MICAL2: variants seen among roughly 807,000 people sequenced by gnomAD.
The protein encoded by MICAL2 is [F-actin]-monooxygenase MICAL2.
A neutral mutation model predicts 127.3 loss-of-function variants in MICAL2; 77 were observed. The ratio of observed to expected loss-of-function variants is 0.60; its 90% CI spans 0.50 to 0.73. The LOEUF (loss-of-function observed/expected upper bound fraction) is 0.73, where lower values mean the gene tolerates loss of function less well. Among genes scored for constraint, MICAL2 ranks in the 30% least tolerant of loss-of-function variants. MICAL2 has a pLI of 0.00. For synonymous variants in MICAL2, 570 were observed against 551.1 expected (o/e 1.03, Z -0.48); for missense variants, 1,351 against 1,434.4 (o/e 0.94, Z 0.94).
chr11:12,291,260 C>A (rs546574371), downstream of MICAL2, among the ~76,000 whole-genome samples: 1 of 152,010 alleles, frequency 6.6e-6, no homozygotes, highest in Non-Finnish European at 1.5e-5. Flanking sequence ...TCAAATGACC[C>A]AATATGGAGA....
At chr11:12,221,855 G>C (rs1856854207) in intron 10 of MICAL2, 96 bp downstream of exon 10, 1 of 901,606 alleles carries the variant, frequency 1.1e-6, no homozygotes, top group Admixed American at 2.4e-5. Context: ...GATATACCTG[G>C]AGCCTCTGCC....
At position 12,239,504 on chromosome 11, in the gene MICAL2, T is replaced by C; in HGVS notation, c.2133T>C (p.Asn711=). 1 of 1,614,132 alleles carries C rather than the reference T, an allele frequency of 6.2e-7. No individual in the cohort carries two copies. Among genetic ancestry groups the C allele is most frequent in the Non-Finnish European group, 8.5e-7 (1 of 1,180,036 alleles). ...GTGGGAGCAGTAAGGAAGGTGGAAA[T>C]CAGAACAAAGTCAAGTCCATGGCGA... The part of the protein sequence containing the change: ...QECGSSKEGG[N]QNKVKSMANQ... Residue 711 remains asparagine, a synonymous_variant, in exon 17 of 28, where the codon AAT becomes AAC. Transcript: ENST00000683283.
In MICAL2 at chr11:12,221,701, G is replaced by A. The variant is rs1460114276; in HGVS notation, c.1264G>A (p.Ala422Thr). 2 of 1,613,928 alleles carry A rather than the reference G, an allele frequency of 1.2e-6. No homozygotes were observed. The highest frequency in any genetic ancestry group is 2.2e-5 in the East Asian group (1 of 44,846). The change falls in exon 10 of 28, where the codon GCA becomes ACA. Residue 422 changes from alanine to threonine, a missense_variant. Around this residue, in one of 2 missense-constraint regions of MICAL2, gnomAD observed 599 missense variants for 714.9 expected, o/e 0.84. Transcript: ENST00000683283. ...ARGFLAAFDT[A>T]WMVKSWNQGT... ...TGGCTTCCTGGCAGCCTTTGACACG[G>A]CATGGATGGTGAAGAGCTGGAACCA...
At chr11:12,324,657 A>T (rs80161520) in intron 31 of MICAL2, among the ~76,000 whole-genome samples, 1 of 152,228 alleles carries the variant, frequency 6.6e-6, no homozygotes, top group Non-Finnish European at 1.5e-5. Flanking sequence ...CTAGTCTTGA[A>T]CAAGAGTTGG....
chr11:12,284,148 C>A (rs887020486), intron 2 of MICAL2, among the ~76,000 whole-genome samples: 1 of 152,182 alleles, frequency 6.6e-6, no homozygotes, highest in Non-Finnish European at 1.5e-5. Flanking sequence ...GGACTCTTAG[C>A]TATAAACTAA....
downstream of MICAL2, among the ~76,000 whole-genome samples, chr11:12,267,363 C>T (rs1224468625): frequency 6.6e-6 from 1 of 152,204 alleles, no homozygotes; most frequent in African/African-American, 2.4e-5. Flanking sequence ...CTGGAGACTG[C>T]AATTCCCCTT....
chr11:12,220,033 C>T (rs1223101801), intron 8 of MICAL2, among the ~76,000 whole-genome samples, 168 bp from the exon 9 acceptor site: 2 of 152,232 alleles, frequency 1.3e-5, no homozygotes, highest in East Asian at 1.9e-4. Context: ...TTAACCCTCA[C>T]AGCTGGCTGA....
intron 3 of MICAL2, among the ~76,000 whole-genome samples, chr11:12,194,285 C>A (rs1317896389): frequency 6.6e-6 from 1 of 152,214 alleles, no homozygotes; most frequent in Non-Finnish European, 1.5e-5. Context: ...TGAATCCTAG[C>A]TTCACCACTG....
chr11:12,270,185 C>T (rs932603525), intron 24 of MICAL2, among the ~76,000 whole-genome samples: 1 of 152,196 alleles, frequency 6.6e-6, no homozygotes, highest in African/African-American at 2.4e-5. Context: ...CCTCCCTCAT[C>T]CTGCTGGGGA....
downstream of MICAL2, among the ~76,000 whole-genome samples, chr11:12,293,347 G>A (rs746536254): frequency 3.3e-5 from 5 of 152,042 alleles, no homozygotes; most frequent in Admixed American, 2.0e-4. Context: ...GTACTGATTC[G>A]GGGGTTCCAG....
chr11:12,301,488 T>C (rs535419673), intron 29 of MICAL2, among the ~76,000 whole-genome samples: 10 of 152,340 alleles, frequency 6.6e-5, no homozygotes, highest in Non-Finnish European at 1.5e-4. Flanking sequence ...TTGGTGTACA[T>C]ATGTGCTTGT....
intron 3 of MICAL2, among the ~76,000 whole-genome samples, chr11:12,170,709 C>G (rs1856137656): frequency 6.6e-6 from 1 of 152,196 alleles, no homozygotes; most frequent in Non-Finnish European, 1.5e-5. Flanking sequence ...CTGACCATCT[C>G]CTCCCCATTG....
chr11:12,174,287 C>T (rs1054832075), intron 3 of MICAL2, among the ~76,000 whole-genome samples: 2 of 151,826 alleles, frequency 1.3e-5, no homozygotes, highest in Non-Finnish European at 2.9e-5. Context: ...TATCATTCAT[C>T]TCCAGAAGGT....
Position 12,323,821 on chromosome 11 carries a change from C to T in MICAL2, c.5329-157C>T, listed in dbSNP as rs535859026. On this transcript the variant is annotated intron_variant, in intron 30 of 34. Coordinates refer to the MICAL2 transcript ENST00000646065. Reference sequence around the variant, plus strand: ...AGACAGCCACAGCTATAGGTTATTTCTATCATTGCAGAGAGTTCTACCAGA... The same window carrying T: ...AGACAGCCACAGCTATAGGTTATTTTTATCATTGCAGAGAGTTCTACCAGA... Among the ~76,000 whole-genome samples, 4 of 152,320 alleles carry T rather than the reference C, an allele frequency of 2.6e-5. No individual in the cohort carries two copies. In the South Asian group the frequency reaches 8.3e-4, roughly 32 times the overall value.
At chr11:12,318,800 T>G (rs1036475802) in intron 29 of MICAL2, among the ~76,000 whole-genome samples, 1 of 152,192 alleles carries the variant, frequency 6.6e-6, no homozygotes, top group African/African-American at 2.4e-5. Context: ...AAAAGCCTCC[T>G]GTGGCACCTG....
chr11:12,270,336 A>T (rs577486297), intron 24 of MICAL2, among the ~76,000 whole-genome samples: 53 of 152,182 alleles, frequency 3.5e-4, no homozygotes, highest in African/African-American at 1.3e-3. Flanking sequence ...TGCAAACTAC[A>T]TTTTCCAGCT....
At position 12,358,443 on chromosome 11, in the gene MICAL2, CG is replaced by C. The variant is rs1416710213; in HGVS notation, c.5839del (p.Val1947TyrfsTer8). ...CCGAGGACCAGCACTTTGAAAGCTT[CG>C]TATTCTCCAGAGGCTGTCAGCTGAG... On this transcript the variant is annotated frameshift_variant, in exon 35 of 35. Transcript: ENST00000646065. LOFTEE classifies it high-confidence loss of function. 2 of 1,614,004 alleles carry C rather than the reference CG, an allele frequency of 1.2e-6. No homozygotes were observed. Among genetic ancestry groups the C allele is most frequent in the African/African-American group, 2.7e-5 (2 of 74,904 alleles).
chr11:12,340,026 A>G (rs1241545271), intron 32 of MICAL2, among the ~76,000 whole-genome samples: 3 of 152,208 alleles, frequency 2.0e-5, no homozygotes, highest in African/African-American at 7.2e-5. Context: ...GCTGGGAGCT[A>G]TAGACTGGAG....
chr11:12,202,087 A>G (rs1286152393), intron 3 of MICAL2, among the ~76,000 whole-genome samples: 3 of 151,390 alleles, frequency 2.0e-5, no homozygotes, highest in African/African-American at 4.9e-5. Context: ...ACGCCATTGC[A>G]CTCCAGCCTG....
Sources: allele counts gnomAD v4.1 joint callset (sites outside exome capture counted in the v4.1 genomes callset), GRCh38; gene constraint gnomAD v4.1.1; regional missense constraint gnomAD v4.1.1; transcripts MANE v1.5; gene names NCBI Gene and HGNC (gene_info 2026-07-23, HGNC 2026-07-21).